Variants in SEMA3E observed in about 807,000 individuals in gnomAD.
SEMA3E encodes the protein semaphorin-3E.
In SEMA3E, 49 loss-of-function variants were observed where a neutral mutation model predicts 93.6. That is an observed-to-expected ratio of 0.52 (90% CI 0.42 to 0.66). The LOEUF is 0.66. Ranked by LOEUF, SEMA3E falls within the 30% of genes least tolerant of loss-of-function variation. The pLI is 0.00. For missense variants in SEMA3E, 906 were observed against 964.8 expected, an observed-to-expected ratio of 0.94 and a Z score of 0.81; for synonymous variants, 363 against 330.7, an observed-to-expected ratio of 1.10 and a Z score of -1.06.
chr7:83,394,593 T>C (rs1391902840), intron 12 of SEMA3E, among the ~76,000 whole-genome samples: 5 of 141,700 alleles, frequency 3.5e-5, no homozygotes, highest in Admixed American at 1.5e-4. Context: ...TGGAATATGA[T>C]TTTTGAATTT....
intron 4 of SEMA3E, among the ~76,000 whole-genome samples, chr7:83,447,646 A>G (rs1200903407): frequency 6.6e-6 from 1 of 152,208 alleles, no homozygotes; most frequent in Non-Finnish European, 1.5e-5. Flanking sequence ...ATTTACTCCA[A>G]CTGCAAAATA....
intron 1 of SEMA3E, among the ~76,000 whole-genome samples, chr7:83,573,519 G>C (rs562140823): frequency 6.6e-6 from 1 of 151,962 alleles, no homozygotes; most frequent in Non-Finnish European, 1.5e-5. Context: ...AATCTTGTTT[G>C]TTTCTATCAC....
At chr7:83,595,590 T>G (rs1404615870) in intron 1 of SEMA3E, among the ~76,000 whole-genome samples, 5 of 152,094 alleles carry the variant, frequency 3.3e-5, no homozygotes, top group Admixed American at 3.3e-4. Flanking sequence ...ATCTTCTTAG[T>G]CTCTTCTATT....
intron 1 of SEMA3E, among the ~76,000 whole-genome samples, chr7:83,581,407 G>T (rs1196562408): frequency 6.6e-6 from 1 of 151,962 alleles, no homozygotes; most frequent in Non-Finnish European, 1.5e-5. Flanking sequence ...ACAAGGAAGT[G>T]AACTCTATCA....
At position 83,438,081 on chromosome 7, in the gene SEMA3E, GTATTT is replaced by G. The variant is rs1354476286; in HGVS notation, c.457-19603_457-19599del. On this transcript the variant is annotated intron_variant, in intron 4 of 16. Coordinates refer to ENST00000643230, the MANE Select transcript of SEMA3E (RefSeq NM_012431.3). ...TTCTGAGATTAAGAAAAGAAATTCA[GTATTT>G]TAATTCTTTGAAAAAATAGCACAGG... Among the ~76,000 whole-genome samples, 11 of 152,180 alleles carry G rather than the reference GTATTT, an allele frequency of 7.2e-5. No homozygotes were observed. In the South Asian group the frequency reaches 2.1e-3, roughly 29 times the overall value.
At chr7:83,506,616 A>G (rs1790710848) in intron 1 of SEMA3E, among the ~76,000 whole-genome samples, 3 of 152,186 alleles carry the variant, frequency 2.0e-5, no homozygotes, top group Non-Finnish European at 4.4e-5. Flanking sequence ...TGTATCACAC[A>G]CTTTTTAAGA....
At chr7:83,423,124 T>G (rs1200885268) in intron 4 of SEMA3E, among the ~76,000 whole-genome samples, 2 of 152,156 alleles carry the variant, frequency 1.3e-5, no homozygotes, top group African/African-American at 4.8e-5. Flanking sequence ...ATGCTAACAT[T>G]TTGAAAACAA....
chr7:83,374,206 C>CAAAAAAAAAA (rs71074647), intron 16 of SEMA3E, among the ~76,000 whole-genome samples: 1 of 93,350 alleles, frequency 1.1e-5, no homozygotes, highest in African/African-American at 4.4e-5. Context: ...AACTGCGTCT[C>CAAAAAAAAAA]AAAAAAAAAA....
chr7:83,376,794 A>C (rs531734808), intron 16 of SEMA3E, among the ~76,000 whole-genome samples: 2 of 152,178 alleles, frequency 1.3e-5, no homozygotes, highest in East Asian at 3.9e-4. Flanking sequence ...TAATGCATAC[A>C]ATTAACTATT....
At chr7:83,392,755 T>G in intron 13 of SEMA3E, 34 bp from the exon 14 acceptor site, 1 of 1,602,716 alleles carries the variant, frequency 6.2e-7, no homozygotes, top group South Asian at 1.1e-5. Flanking sequence ...CTAGCAGAAA[T>G]GGACAAAACT....
intron 13 of SEMA3E, among the ~76,000 whole-genome samples, chr7:83,393,890 C>T (rs73389161): frequency 0.056 from 8,588 of 152,058 alleles, 806 homozygotes; most frequent in African/African-American, 0.2. Context: ...GAAAAATAAC[C>T]AGGGAATAAA....
rs144769871 is a variant in SEMA3E at position 83,415,950 on chromosome 7, T to C, written c.550+2440A>G. 2.3e-4 allele frequency among the ~76,000 whole-genome samples: 35 copies of C among 152,246 alleles called. No homozygotes were observed. In the East Asian group the frequency reaches 6.8e-3, roughly 29 times the overall value. ...TGGTCACAAAATACCCATTAATACA[T>C]TCTTTCACAGTCAGAGTAAGTTCTA... On this transcript the variant is annotated intron_variant, in intron 5 of 16. Transcript: ENST00000643230.
rs1199278016 is a variant in SEMA3E, at chr7:83,495,325, A to G, written c.116-5051T>C. 2.0e-5 allele frequency among the ~76,000 whole-genome samples: 3 copies of G among 151,920 alleles called. No individual in the cohort carries two copies. In the East Asian group the frequency reaches 5.8e-4, roughly 29 times the overall value. ...TAACTGGATTGTGAAAGTGACTCAC[A>G]TGACTGGATAATAAATTTCATATCT... On this transcript the variant is annotated intron_variant, in intron 1 of 16. Coordinates refer to ENST00000643230, the MANE Select transcript of SEMA3E (RefSeq NM_012431.3).
intron 1 of SEMA3E, among the ~76,000 whole-genome samples, chr7:83,608,642 T>C (rs61412884): frequency 0.013 from 1,937 of 152,254 alleles, 45 homozygotes; most frequent in African/African-American, 0.044. Context: ...AAAATTGTTA[T>C]AACTAGGCTT....
At chr7:83,642,193 A>T (rs1417912474) in intron 1 of SEMA3E, among the ~76,000 whole-genome samples, 1 of 152,160 alleles carries the variant, frequency 6.6e-6, no homozygotes, top group Non-Finnish European at 1.5e-5. Flanking sequence ...AGTGAAACAC[A>T]TTTCTAAGTC....
intron 1 of SEMA3E, among the ~76,000 whole-genome samples, chr7:83,517,400 A>T (rs1217174702): frequency 1.3e-5 from 2 of 152,186 alleles, no homozygotes; most frequent in Non-Finnish European, 2.9e-5. Context: ...AGGAGAAGAA[A>T]AGGTATTCAC....
chr7:83,517,870 G>A (rs563371409), intron 1 of SEMA3E, among the ~76,000 whole-genome samples: 8 of 152,258 alleles, frequency 5.3e-5, no homozygotes, highest in Non-Finnish European at 1.0e-4. Flanking sequence ...AAAGACAAGA[G>A]AGATCTGAGG....
intron 2 of SEMA3E, among the ~76,000 whole-genome samples, chr7:83,470,917 C>T (rs1333526875): frequency 7.0e-6 from 1 of 143,232 alleles, no homozygotes; most frequent in African/African-American, 2.5e-5. Context: ...AACATTCAAA[C>T]TCCCCTCATA....
intron 5 of SEMA3E, among the ~76,000 whole-genome samples, chr7:83,408,897 G>A (rs1301652358): frequency 4.6e-5 from 7 of 152,062 alleles, no homozygotes; most frequent in Admixed American, 4.6e-4. Flanking sequence ...GATTGTTATT[G>A]TGATGATTAC....
Sources: gnomAD v4.1 joint callset for allele counts (sites outside exome capture counted in the v4.1 genomes callset) on GRCh38, gnomAD v4.1.1 for gene constraint, MANE v1.5 for transcripts, NCBI Gene and HGNC (gene_info 2026-07-23, HGNC 2026-07-21) for gene names.